The following DST variants were observed in gnomAD, a reference collection of about 807,000 sequenced individuals.
DST encodes bullous pemphigoid antigen.
In DST, 253 loss-of-function variants were observed where a neutral mutation model predicts 875.2. The ratio of observed to expected loss-of-function variants is 0.29; its 90% CI spans 0.26 to 0.32. The LOEUF is 0.32. Ranked by LOEUF, DST falls within the 10% of genes least tolerant of loss-of-function variation. The pLI is 1.00. For synonymous variants in DST, 3,124 were observed against 3,197.1 expected (o/e 0.98, Z 0.77); for missense variants, 8,287 against 9,111.6 (o/e 0.91, Z 3.68).
intron 4 of DST, among the ~76,000 whole-genome samples, chr6:56,774,779 G>A (rs944238142): frequency 6.6e-6 from 1 of 152,094 alleles, no homozygotes; most frequent in Non-Finnish European, 1.5e-5. Context: ...GATCACCTGA[G>A]GTCGGGAGTT....
chr6:56,464,077 T>G (rs1412869482), intron 100 of DST: 1 of 422,362 alleles, frequency 2.4e-6, no homozygotes, highest in Non-Finnish European at 4.5e-6. Flanking sequence ...TGCTAAAATA[T>G]CATTAATCCA....
At position 56,605,538 on chromosome 6, in the gene DST, G is replaced by A. The variant is rs568559747; in HGVS notation, c.9090C>T (p.Ser3030=). The A allele has an allele frequency of 4.1e-5, 66 of 1,612,854 alleles. No homozygotes were observed. The highest frequency in any genetic ancestry group is 3.3e-4 in the Admixed American group (20 of 59,934). ...TGCCATCTCTCCCTTTAATGAGATC[G>A]CTTCCATTTCCTTGAGGATCTTTGT... ...VTDKDPQGNG[S]DLIKGRDGKS... is the part of the protein sequence containing the mutation. Residue 3030 remains serine (S), a synonymous_variant, in exon 40 of 104, where the codon AGC becomes AGT. Transcript: ENST00000680361.
chr6:56,479,553 A>G (rs1386243412), intron 90 of DST, among the ~76,000 whole-genome samples: 1 of 151,772 alleles, frequency 6.6e-6, no homozygotes, highest in Non-Finnish European at 1.5e-5. Context: ...GATTGGATTA[A>G]AAAAAAATGT....
chr6:56,610,904 T>A (rs138311129), intron 38 of DST, among the ~76,000 whole-genome samples: 143 of 152,284 alleles, frequency 9.4e-4, no homozygotes, highest in African/African-American at 3.3e-3. Flanking sequence ...GTACCATTTC[T>A]CAAGATGAAA....
intron 69 of DST, among the ~76,000 whole-genome samples, chr6:56,521,175 T>C (rs758092647): frequency 3.3e-5 from 5 of 152,090 alleles, no homozygotes; most frequent in Non-Finnish European, 7.4e-5. Context: ...TAGTCTTCTG[T>C]GGATTCTTAC....
chr6:56,871,580 C>T, intron 3 of DST: 1 of 880,300 alleles, frequency 1.1e-6, no homozygotes, highest in Non-Finnish European at 1.9e-6. Flanking sequence ...GCTGGACCTA[C>T]AGAGCTCATG....
chr6:56,742,422 TAGAAA>T (rs2099550671), intron 4 of DST: 3 of 1,200,948 alleles, frequency 2.5e-6, no homozygotes, highest in Non-Finnish European at 2.2e-6. Flanking sequence ...ACTTTCTATG[TAGAAA>T]AGAAAACACT....
chr6:56,498,282 C>T (rs964085906), intron 80 of DST, among the ~76,000 whole-genome samples: 12 of 152,172 alleles, frequency 7.9e-5, no homozygotes, highest in Admixed American at 4.6e-4. Context: ...AAGCAATCGT[C>T]CCATTTCAGC....
intron 4 of DST, among the ~76,000 whole-genome samples, chr6:56,840,320 A>G (rs1289858147): frequency 2.0e-4 from 31 of 152,206 alleles, no homozygotes; most frequent in Admixed American, 2.0e-3. Flanking sequence ...AATGTTTTGT[A>G]TTACACGGTA....
intron 9 of DST, chr6:56,692,431 T>A (rs918403813): frequency 1.6e-6 from 2 of 1,289,332 alleles, no homozygotes; most frequent in Non-Finnish European, 2.0e-6. Context: ...CATACTAGTA[T>A]AAAGGGAATG....
chr6:56,836,767 C>T (rs370570829), intron 4 of DST, among the ~76,000 whole-genome samples: 3 of 149,154 alleles, frequency 2.0e-5, no homozygotes, highest in Admixed American at 2.0e-4. Flanking sequence ...AGGAGAATGG[C>T]GTGAACCCGG....
At chr6:56,753,076 C>T (rs2099592546) in intron 4 of DST, among the ~76,000 whole-genome samples, 1 of 152,172 alleles carries the variant, frequency 6.6e-6, no homozygotes, top group Non-Finnish European at 1.5e-5. Flanking sequence ...CAGGTGTGAG[C>T]CACCACAAGA....
chr6:56,683,803 G>A (rs1425949089), intron 9 of DST, among the ~76,000 whole-genome samples: 3 of 152,058 alleles, frequency 2.0e-5, no homozygotes, highest in East Asian at 1.9e-4. Flanking sequence ...ATAACAGAAC[G>A]CCCTTACCAA....
At chr6:56,620,612 C>T (rs1319505640) in intron 36 of DST, 1 of 1,614,012 alleles carries the variant, frequency 6.2e-7, no homozygotes, top group Non-Finnish European at 8.5e-7. Flanking sequence ...TTCCAACTCA[C>T]TTATCTTTCC....
At chr6:56,738,997 A>G (rs1187278253) in intron 4 of DST, among the ~76,000 whole-genome samples, 2 of 151,708 alleles carry the variant, frequency 1.3e-5, no homozygotes, top group Non-Finnish European at 2.9e-5. Flanking sequence ...ATCAAAAGCA[A>G]TGATATTAAT....
chr6:56,491,213 T>C (rs546360093), intron 85 of DST, among the ~76,000 whole-genome samples: 2 of 152,230 alleles, frequency 1.3e-5, no homozygotes, highest in Non-Finnish European at 2.9e-5. Context: ...CAATTTGTCA[T>C]TTCTCAAGCC....
At chr6:56,462,041 C>T (rs1350460766) in intron 102 of DST, 1 of 152,096 alleles carries the variant, frequency 6.6e-6, no homozygotes, top group Non-Finnish European at 1.5e-5. Context: ...AAGTAACAGA[C>T]AAGAAAGTGT....
At chr6:56,757,886 A>T (rs2152958850) in intron 4 of DST, among the ~76,000 whole-genome samples, 1 of 152,308 alleles carries the variant, frequency 6.6e-6, no homozygotes, top group South Asian at 2.1e-4. Flanking sequence ...AGAAAAGTAA[A>T]CTTCCTTCTC....
At chr6:56,492,849 C>T (rs2095796276) in intron 84 of DST, 85 bp downstream of exon 84, 1 of 1,150,712 alleles carries the variant, frequency 8.7e-7, no homozygotes, top group South Asian at 2.0e-5. Flanking sequence ...TCCTGGACGA[C>T]AGAGGAGTGA....
Sources: gnomAD v4.1 joint callset for allele counts (sites outside exome capture counted in the v4.1 genomes callset) on GRCh38, gnomAD v4.1.1 for gene constraint, MANE v1.5 for transcripts, NCBI Gene and HGNC (gene_info 2026-07-23, HGNC 2026-07-21) for gene names.